Variants in ETHE1 observed in about 807,000 individuals in gnomAD.
ETHE1 encodes the protein persulfide dioxygenase ETHE1, mitochondrial.
In ETHE1, 16 loss-of-function variants were observed where a neutral mutation model predicts 25.7. That is an observed-to-expected ratio of 0.62 (90% confidence interval 0.42 to 0.95). The LOEUF is 0.95. Among genes scored for constraint, ETHE1 ranks in the 40% least tolerant of loss-of-function variants. The pLI is 0.00. For synonymous variants in ETHE1, 139 were observed against 135.9 expected, an observed-to-expected ratio of 1.02 and a Z score of -0.16; for missense variants, 300 against 333.6, an observed-to-expected ratio of 0.90 and a Z score of 0.79.
intron 5 of ETHE1, 85 bp from the exon 6 acceptor site, chr19:43,508,145 G>A (rs976345829): frequency 3.8e-6 from 6 of 1,579,932 alleles, no homozygotes; most frequent in Non-Finnish European, 4.3e-6. Flanking sequence ...GGCCTTGGGT[G>A]CCTCTCTGGC....
Position 43,508,071 on chromosome 19 carries a change from A to C in ETHE1, c.596-11T>G. Reference sequence around the variant, plus strand: ...TGGACACTGTGAACCCTAGGGGCCAAGGGAGGGGAAGGAAAGTCAAGGAGT... The same window carrying C: ...TGGACACTGTGAACCCTAGGGGCCACGGGAGGGGAAGGAAAGTCAAGGAGT... On this transcript the variant is annotated splice_polypyrimidine_tract_variant and intron_variant, in intron 5 of 6. Transcript: ENST00000292147. 6.2e-7 allele frequency: 1 copy of C among 1,613,248 alleles called. No homozygotes were observed. The highest frequency in any genetic ancestry group is 8.5e-7 in the Non-Finnish European group (1 of 1,179,814).
At position 43,527,136 on chromosome 19, in the gene ETHE1, G is replaced by C. The variant is rs62115748; in HGVS notation, c.42C>G (p.Ser14Arg). 10 of 1,552,998 alleles carry C rather than the reference G, an allele frequency of 6.4e-6. No individual in the cohort carries two copies. The highest frequency in any genetic ancestry group is 1.4e-5 in the African/African-American group (1 of 73,460). The change falls in exon 1 of 7, where the codon AGC becomes AGG. Residue 14 changes from serine to arginine, a missense_variant. By Grantham distance (110) the Ser-to-Arg change is moderately radical (BLOSUM62 -1). Transcript: ENST00000292147. ...AVLRVARRQLSQRGGSGAPIL... is the reference protein window; with the variant it reads ...AVLRVARRQLRQRGGSGAPIL... The stretch of plus-strand genomic sequence containing the variant: ...TGGGGGCTCCAGACCCGCCGCGCTG[G>C]CTCAGCTGCCGCCGGGCGACCCTCA...
intron 4 of ETHE1, among the ~76,000 whole-genome samples, chr19:43,510,975 C>G (rs1231062757): frequency 6.6e-6 from 1 of 152,078 alleles, no homozygotes; most frequent in African/African-American, 2.4e-5. Flanking sequence ...CATAGGAGCA[C>G]AAACTCTATT....
In ETHE1 at chr19:43,527,160, C is replaced by T. The variant is rs766437972; in HGVS notation, c.18G>A (p.Leu6=). 120 of 1,543,470 alleles carry T rather than the reference C, an allele frequency of 7.8e-5. No homozygotes were observed. The highest frequency in any genetic ancestry group is 9.9e-5 in the Non-Finnish European group (114 of 1,148,770). MAEAV[L]RVARRQLSQR... is the part of the protein sequence containing the mutation. The stretch of plus-strand genomic sequence containing the variant: ...GGCTCAGCTGCCGCCGGGCGACCCT[C>T]AGTACAGCCTCCGCCATCGCGCCCA... The change falls in exon 1 of 7, where the codon CTG becomes CTA. Residue 6 remains leucine, a synonymous_variant. Transcript: ENST00000292147.
chr19:43,525,820 T>G (rs1972231427), intron 3 of ETHE1: 1 of 316,892 alleles, frequency 3.2e-6, no homozygotes, highest in Non-Finnish European at 6.1e-6. Context: ...AGATGCTCCT[T>G]CCTCAAACGG....
rs201485073 is a variant in ETHE1 at position 43,508,097 on chromosome 19, C to A, written c.596-37G>T. On this transcript the variant is annotated intron_variant, in intron 5 of 6. Transcript: ENST00000292147. ...GGGAGGGGAAGGAAAGTCAAGGAGT[C>A]TAGTGCCTCAGGCCTCTCAGAACTA... The A allele has an allele frequency of 4.3e-6, 7 of 1,611,142 alleles. No homozygotes were observed. In the Admixed American group the frequency reaches 1.2e-4, roughly 27 times the overall value.
At chr19:43,519,708 T>C (rs1972101952) in intron 3 of ETHE1, among the ~76,000 whole-genome samples, 1 of 152,114 alleles carries the variant, frequency 6.6e-6, no homozygotes, top group Admixed American at 6.6e-5. Context: ...TCTTTTCCAT[T>C]TGGTTCCCAA....
intron 3 of ETHE1, among the ~76,000 whole-genome samples, chr19:43,517,814 G>A (rs2145997765): frequency 6.6e-6 from 1 of 152,000 alleles, no homozygotes; most frequent in South Asian, 2.1e-4. Context: ...GCCAAGCGTG[G>A]TGGCACATGC....
chr19:43,526,273 G>A lies in ETHE1; in HGVS notation c.303C>T (p.Val101=), dbSNP rs750713048. The change falls in exon 3 of 7, where the codon GTC becomes GTT. Residue 101 remains valine, a synonymous_variant. Transcript: ENST00000292147. The stretch of plus-strand genomic sequence containing the variant: ...CCTGGGCCCCACTAAGGCGGGAGAT[G>A]ACAGACTGGCAGCCAGGGAGGAGGG... ...LRSLLPGCQS[V]ISRLSGAQAD... 6.2e-7 allele frequency: 1 copy of A among 1,614,176 alleles called. No individual in the cohort carries two copies. Among genetic ancestry groups the A allele is most frequent in the Non-Finnish European group, 8.5e-7 (1 of 1,180,022 alleles).
chr19:43,511,992 T>C (rs1568493922), intron 3 of ETHE1, among the ~76,000 whole-genome samples: 1 of 152,124 alleles, frequency 6.6e-6, no homozygotes, highest in African/African-American at 2.4e-5. Flanking sequence ...GATGGTTTTA[T>C]AAAGGGCAGT....
At chr19:43,516,326 G>T (rs954790859) in intron 3 of ETHE1, among the ~76,000 whole-genome samples, 3 of 151,650 alleles carry the variant, frequency 2.0e-5, no homozygotes, top group African/African-American at 7.3e-5. Flanking sequence ...TTTAACCAGA[G>T]TCTCACTCTG....
intron 3 of ETHE1, chr19:43,525,528 C>T (rs1022286877): frequency 5.9e-5 from 9 of 153,220 alleles, no homozygotes; most frequent in African/African-American, 2.2e-4. Context: ...GGCAACTCCC[C>T]TGGCCCTCCC....
chr19:43,514,771 A>G (rs1006465277), intron 3 of ETHE1, among the ~76,000 whole-genome samples: 1 of 152,164 alleles, frequency 6.6e-6, no homozygotes, highest in Non-Finnish European at 1.5e-5. Flanking sequence ...GGCGTGAGCC[A>G]CCACACCCAG....
chr19:43,507,363 TCC>T (rs1971800681), intron 6 of ETHE1, among the ~76,000 whole-genome samples: 1 of 48,594 alleles, frequency 2.1e-5, no homozygotes, highest in East Asian at 6.4e-4. Flanking sequence ...CAGTCCCTCC[TCC>T]CTCAGACCCA....
chr19:43,507,863 C>T (rs774442205), intron 6 of ETHE1, 81 bp downstream of exon 6: 2 of 1,459,682 alleles, frequency 1.4e-6, no homozygotes, highest in African/African-American at 2.8e-5. Flanking sequence ...GGCCCCCAGC[C>T]CCTCCTCTCT....
chr19:43,523,327 G>A (rs898248313), intron 3 of ETHE1, among the ~76,000 whole-genome samples: 6 of 152,076 alleles, frequency 3.9e-5, no homozygotes, highest in Non-Finnish European at 8.8e-5. Context: ...CTGGAGTGCA[G>A]TGGTGCGATC....
Position 43,526,539 on chromosome 19 carries a change from G to T in ETHE1, c.202C>A (p.Leu68Met). The T allele has an allele frequency of 6.2e-7, 1 of 1,613,772 alleles. No homozygotes were observed. The highest frequency in any genetic ancestry group is 8.5e-7 in the Non-Finnish European group (1 of 1,179,864). Residue 68 changes from leucine (L) to methionine (M), a missense_variant, in exon 2 of 7, where the codon CTG becomes ATG. Physicochemically the swap from Leu to Met is conservative, Grantham distance 15. Transcript: ENST00000292147. ...APRDAQLIKE[L>M]GLRLLYAVNT... Reference sequence around the variant, plus strand: ...CCAGCATAGAGCAGCCGCAGCCCCAGCTCCTTGATCAGCTGGGCATCCCGA... The same window carrying T: ...CCAGCATAGAGCAGCCGCAGCCCCATCTCCTTGATCAGCTGGGCATCCCGA...
At position 43,506,814 on chromosome 19, in the gene ETHE1, A is replaced by G. The variant is rs749242752; in HGVS notation, c.*36T>C. 3.1e-6 allele frequency: 5 copies of G among 1,589,496 alleles called. No homozygotes were observed. The highest frequency in any genetic ancestry group is 4.3e-6 in the Non-Finnish European group (5 of 1,158,688). On this transcript the variant is annotated 3_prime_UTR_variant, in exon 7 of 7. Transcript: ENST00000292147. ...GCCGCCCTCTCCTCCCACCTAGTGC[A>G]TTAATAGTGGATGGGAGCATCTGAC...
intron 5 of ETHE1, 107 bp downstream of exon 5, chr19:43,508,668 G>T: frequency 1.0e-6 from 1 of 993,474 alleles, no homozygotes; most frequent in Non-Finnish European, 1.6e-6. Flanking sequence ...TTTTTGGCCA[G>T]AGAAATTTCT....
Sources: allele counts gnomAD v4.1 joint callset (sites outside exome capture counted in the v4.1 genomes callset), GRCh38; gene constraint gnomAD v4.1.1; transcripts MANE v1.5; gene names NCBI Gene and HGNC (gene_info 2026-07-23, HGNC 2026-07-21).